Variants in CCDC13 observed in about 807,000 individuals in gnomAD.
CCDC13 encodes the protein coiled-coil domain-containing protein 13.
CCDC13 carries 70 observed loss-of-function variants against 87.3 expected under a neutral mutation model. The ratio of observed to expected loss-of-function variants is 0.80; its 90% CI spans 0.66 to 0.98. The LOEUF is 0.98. CCDC13 is among the 50% of genes least tolerant of loss of function. The pLI is 0.00. For synonymous variants in CCDC13, 317 were observed against 360.3 expected (o/e 0.88, Z 1.36); for missense variants, 842 against 892.0 (o/e 0.94, Z 0.71).
At chr3:42,756,293 A>G (rs2125908212) in intron 3 of CCDC13, among the ~76,000 whole-genome samples, 1 of 152,338 alleles carries the variant, frequency 6.6e-6, no homozygotes. Context: ...CAAAGTCCTC[A>G]CTACATCAGC....
intron 13 of CCDC13, among the ~76,000 whole-genome samples, chr3:42,728,103 T>G (rs35389123): frequency 0.19 from 29,616 of 152,178 alleles, 3,037 homozygotes; most frequent in South Asian, 0.28. Flanking sequence ...CTAGAAAAAT[T>G]GATAAAATGT....
chr3:42,730,667 G>A, intron 12 of CCDC13, 78 bp from the exon 13 acceptor site: 4 of 1,556,370 alleles, frequency 2.6e-6, no homozygotes, highest in South Asian at 2.3e-5. Flanking sequence ...ATGGTTGGAG[G>A]GACTAGAAGG....
intron 11 of CCDC13, 22 bp from the exon 12 acceptor site, chr3:42,732,992 C>A: frequency 6.5e-7 from 1 of 1,548,016 alleles, no homozygotes. Flanking sequence ...CGGAAGGGGC[C>A]CATCAGCCTG....
At chr3:42,770,419 G>A (rs1309184581) in intron 1 of CCDC13, among the ~76,000 whole-genome samples, 3 of 152,206 alleles carry the variant, frequency 2.0e-5, no homozygotes, top group African/African-American at 7.2e-5. Context: ...GATCTAGTGG[G>A]GAAGTGGAAA....
At chr3:42,763,547 C>T (rs1247652879) in intron 1 of CCDC13, among the ~76,000 whole-genome samples, 1 of 150,640 alleles carries the variant, frequency 6.6e-6, no homozygotes, top group Non-Finnish European at 1.5e-5. Context: ...CTCTGTCACC[C>T]AGGCTGGAGC....
intron 5 of CCDC13, 47 bp from the exon 6 acceptor site, chr3:42,747,420 G>T: frequency 7.7e-7 from 1 of 1,298,682 alleles, no homozygotes; most frequent in Non-Finnish European, 1.1e-6. Context: ...TTGCCTACAT[G>T]GGAATAGTAA....
intron 10 of CCDC13, 129 bp downstream of exon 10, chr3:42,735,578 A>G: frequency 1.1e-6 from 1 of 881,142 alleles, no homozygotes; most frequent in Non-Finnish European, 1.8e-6. Context: ...AGATAGAAGC[A>G]GGTGGCCAAA....
rs989331339 is a variant in CCDC13 at position 42,767,736 on chromosome 3, C to T, written c.-7+5440G>A. Among the ~76,000 whole-genome samples the T allele has an allele frequency of 1.3e-4, 20 of 151,970 alleles. No individual in the cohort carries two copies. In the East Asian group the frequency reaches 1.9e-3, roughly 15 times the overall value. On this transcript the variant is annotated intron_variant, in intron 1 of 15. Coordinates refer to ENST00000310232, the MANE Select transcript of CCDC13 (RefSeq NM_144719.4). ...CTGTAATCCCAGCACTTTGGGAGGC[C>T]GAGGCGGGTGGGTGGATCACCTGAG...
chr3:42,730,412 C>T (rs1185430926), intron 13 of CCDC13, 55 bp downstream of exon 13: 11 of 1,589,994 alleles, frequency 6.9e-6, no homozygotes, highest in Non-Finnish European at 9.5e-6. Context: ...AGGCCTGGCC[C>T]CAGTCCCCAC....
intron 8 of CCDC13, among the ~76,000 whole-genome samples, chr3:42,741,531 A>C (rs1471595560): frequency 6.6e-6 from 1 of 152,142 alleles, no homozygotes; most frequent in Non-Finnish European, 1.5e-5. Flanking sequence ...GACGTTAGGA[A>C]TTTGAGACCA....
chr3:42,730,363 G>A, intron 13 of CCDC13, 104 bp downstream of exon 13: 1 of 1,488,450 alleles, frequency 6.7e-7, no homozygotes, highest in East Asian at 2.4e-5. Flanking sequence ...CCAACACTGG[G>A]AGCCGAGCTC....
At chr3:42,750,010 G>A (rs1162574688) in intron 5 of CCDC13, 2 of 451,808 alleles carry the variant, frequency 4.4e-6, no homozygotes, top group Non-Finnish European at 8.9e-6. Flanking sequence ...AGATGCCAGG[G>A]AGAACACGTG....
In CCDC13 at chr3:42,747,324, T is replaced by A; in HGVS notation, c.653A>T (p.Asn218Ile). The A allele has an allele frequency of 6.2e-7, 1 of 1,614,152 alleles. No individual in the cohort carries two copies. The highest frequency in any genetic ancestry group is 8.5e-7 in the Non-Finnish European group (1 of 1,180,038). The change falls in exon 6 of 16, where the codon AAC (asparagine) becomes ATC (isoleucine). Residue 218 changes from asparagine (N) to isoleucine (I), a missense_variant. Transcript: ENST00000310232. ...KALQDRLVATNLKMSDLRNQI... is the reference protein window; with the variant it reads ...KALQDRLVATILKMSDLRNQI... ...GTTTCGGAGGTCACTCATCTTCAAG[T>A]TGGTGGCCACCAGCCTGTCCTGCAG...
intron 8 of CCDC13, among the ~76,000 whole-genome samples, chr3:42,740,542 A>G (rs1041303953): frequency 1.3e-5 from 2 of 152,210 alleles, no homozygotes; most frequent in African/African-American, 4.8e-5. Flanking sequence ...GATAATCCTA[A>G]TGGAGGAGAC....
chr3:42,741,456 G>T (rs932492851), intron 8 of CCDC13, among the ~76,000 whole-genome samples: 4 of 152,144 alleles, frequency 2.6e-5, no homozygotes, highest in Non-Finnish European at 1.5e-5. Context: ...CCCTGTCGTG[G>T]GCTCGGCGAA....
chr3:42,710,973 C>T (rs184825427), intron 14 of CCDC13, among the ~76,000 whole-genome samples: 29 of 151,994 alleles, frequency 1.9e-4, no homozygotes, highest in East Asian at 1.6e-3. Context: ...CAGCCGGGTG[C>T]GGTGGCTCAT....
At chr3:42,770,629 G>A (rs1700049450) in intron 1 of CCDC13, 1 of 152,366 alleles carries the variant, frequency 6.6e-6, no homozygotes, top group African/African-American at 2.4e-5. Flanking sequence ...CTTCCACACT[G>A]TTGAAGCTTT....
chr3:42,714,615 CCT>C (rs1312318221), intron 13 of CCDC13, among the ~76,000 whole-genome samples: 1 of 152,160 alleles, frequency 6.6e-6, no homozygotes. Flanking sequence ...GCCAGAACTC[CCT>C]GAGATCTAAC....
At chr3:42,769,482 G>C (rs1363682159) in intron 1 of CCDC13, among the ~76,000 whole-genome samples, 3 of 152,234 alleles carry the variant, frequency 2.0e-5, no homozygotes, top group Non-Finnish European at 4.4e-5. Flanking sequence ...TTACCTAAAT[G>C]AGTTTAACAA....
Sources: gnomAD v4.1 joint callset for allele counts (sites outside exome capture counted in the v4.1 genomes callset) on GRCh38, gnomAD v4.1.1 for gene constraint, MANE v1.5 for transcripts, NCBI Gene and HGNC (gene_info 2026-07-23, HGNC 2026-07-21) for gene names.